MPPED1: variants seen among roughly 807,000 people sequenced by gnomAD.
The protein encoded by MPPED1 is metallophosphoesterase domain containing 1.
MPPED1 carries 16 observed loss-of-function variants against 36.2 expected under a neutral mutation model. The ratio of observed to expected loss-of-function variants is 0.44; its 90% CI spans 0.30 to 0.67. MPPED1 has a LOEUF of 0.67. MPPED1 is among the 30% of genes least tolerant of loss of function. The pLI is 0.10. For missense variants in MPPED1, 307 were observed against 453.4 expected (o/e 0.68, Z 2.93); for synonymous variants, 199 against 191.3 (o/e 1.04, Z -0.33).
intron 1 of MPPED1, chr22:43,417,717 G>C: frequency 4.8e-6 from 1 of 209,004 alleles, no homozygotes; most frequent in South Asian, 7.4e-5. Context: ...TGCAACAAAA[G>C]CCCTAGTAAG....
chr22:43,463,806 C>CTTTTCTTTCTTTCTTTTTTTTTT, intron 3 of MPPED1, among the ~76,000 whole-genome samples: 1 of 121,660 alleles, frequency 8.2e-6, no homozygotes, highest in Non-Finnish European at 1.8e-5. Flanking sequence ...TTCATTTTTT[C>CTTTTCTTTCTTTCTTTTTTTTTT]TTTTCTTTCT....
chr22:43,496,176 T>A (rs1214430486), intron 4 of MPPED1, among the ~76,000 whole-genome samples: 1 of 82,418 alleles, frequency 1.2e-5, no homozygotes, highest in Non-Finnish European at 2.4e-5. Context: ...GTGGTGATGG[T>A]GGAGGTGGTG....
intron 4 of MPPED1, among the ~76,000 whole-genome samples, chr22:43,491,486 G>A (rs1478982704): frequency 6.6e-6 from 1 of 151,670 alleles, no homozygotes; most frequent in Non-Finnish European, 1.5e-5. Context: ...TGGTGGTGAT[G>A]GAGGTTGTAA....
intron 5 of MPPED1, among the ~76,000 whole-genome samples, chr22:43,498,875 G>T (rs1420408723): frequency 6.6e-6 from 1 of 152,026 alleles, no homozygotes; most frequent in Non-Finnish European, 1.5e-5. Flanking sequence ...TGTCCCATCT[G>T]GGGGCTCTCT....
At chr22:43,501,532 G>A (rs2146927599) in intron 5 of MPPED1, among the ~76,000 whole-genome samples, 2 of 152,280 alleles carry the variant, frequency 1.3e-5, no homozygotes, top group Middle Eastern at 3.4e-3. Flanking sequence ...ACTCCAGCTG[G>A]TGCTGCCCTT....
intron 3 of MPPED1, among the ~76,000 whole-genome samples, chr22:43,464,915 G>A (rs1299048762): frequency 1.3e-5 from 2 of 152,134 alleles, no homozygotes; most frequent in Non-Finnish European, 1.5e-5. Flanking sequence ...CCACAACTGG[G>A]GACAAACATG....
intron 3 of MPPED1, among the ~76,000 whole-genome samples, chr22:43,465,149 G>A (rs567915641): frequency 3.3e-5 from 5 of 152,328 alleles, no homozygotes; most frequent in East Asian, 1.9e-4. Flanking sequence ...ATCCCAGGTC[G>A]CATGGTGAGA....
rs1482606763 is a variant in MPPED1, at chr22:43,437,750, G to T, written c.406+2535G>T. ...TGAGGCTCTGTTGGAATGGAGGAAA[G>T]AATCACCTTGCAAAATGTAAAGTGC... On this transcript the variant is annotated intron_variant, in intron 3 of 6. Transcript: ENST00000443721. 3.9e-5 allele frequency among the ~76,000 whole-genome samples: 6 copies of T among 152,308 alleles called. No individual in the cohort carries two copies. In the East Asian group the frequency reaches 1.2e-3, roughly 29 times the overall value.
intron 4 of MPPED1, among the ~76,000 whole-genome samples, chr22:43,496,913 G>A (rs1225234236): frequency 2.5e-5 from 2 of 79,752 alleles, no homozygotes; most frequent in Admixed American, 1.3e-4. Flanking sequence ...GGAGGTGGTG[G>A]TGGTGGAGGT....
At chr22:43,435,010 C>G (rs773332248) in intron 2 of MPPED1, 24 bp from the exon 3 acceptor site, 4 of 1,608,360 alleles carry the variant, frequency 2.5e-6, no homozygotes, top group Non-Finnish European at 3.4e-6. Flanking sequence ...GCCTCCTGAT[C>G]CGCAGTGTCA....
At chr22:43,488,816 G>A (rs987116792) in intron 4 of MPPED1, among the ~76,000 whole-genome samples, 6 of 152,220 alleles carry the variant, frequency 3.9e-5, no homozygotes, top group East Asian at 1.9e-4. Flanking sequence ...ATGGCTTAGC[G>A]GGAATTCGCA....
intron 3 of MPPED1, among the ~76,000 whole-genome samples, chr22:43,463,872 T>TTTC (rs893396989): frequency 1.3e-5 from 2 of 149,014 alleles, no homozygotes; most frequent in African/African-American, 5.0e-5. Flanking sequence ...TCTTTCTTTC[T>TTTC]TTCTCTTTCT....
intron 3 of MPPED1, among the ~76,000 whole-genome samples, chr22:43,473,797 G>A (rs1054037519): frequency 1.3e-5 from 2 of 152,098 alleles, no homozygotes; most frequent in Admixed American, 1.3e-4. Flanking sequence ...GAGGCCTGCC[G>A]GGCAGCTGCC....
chr22:43,422,163 G>A (rs898084618), intron 1 of MPPED1, among the ~76,000 whole-genome samples: 55 of 152,306 alleles, frequency 3.6e-4, no homozygotes, highest in Admixed American at 3.1e-3. Context: ...TTCAGCCAGC[G>A]GGAGAGGAGG....
intron 6 of MPPED1, among the ~76,000 whole-genome samples, chr22:43,504,744 G>A (rs1932776349): frequency 1.3e-5 from 2 of 151,944 alleles, no homozygotes; most frequent in Non-Finnish European, 2.9e-5. Context: ...GAGCAGTGGT[G>A]ATGATGTTGA....
At chr22:43,431,554 G>GTAACAGTCCAGCCTGT (rs1569066671) in intron 2 of MPPED1, among the ~76,000 whole-genome samples, 1 of 152,180 alleles carries the variant, frequency 6.6e-6, no homozygotes, top group African/African-American at 2.4e-5. Context: ...GTCCAGCCTG[G>GTAACAGTCCAGCCTGT]TGTGAGTTCT....
At chr22:43,425,410 C>T (rs2146820113) in intron 2 of MPPED1, among the ~76,000 whole-genome samples, 1 of 152,354 alleles carries the variant, frequency 6.6e-6, no homozygotes, top group African/African-American at 2.4e-5. Flanking sequence ...GGCCTGTGGG[C>T]CGATTCTGGC....
intron 4 of MPPED1, among the ~76,000 whole-genome samples, chr22:43,490,533 C>T (rs918272470): frequency 1.3e-5 from 2 of 152,144 alleles, no homozygotes; most frequent in East Asian, 3.8e-4. Context: ...CTACCAGGGG[C>T]CAGCTCCTGG....
At position 43,505,727 on chromosome 22, in the gene MPPED1, T is replaced by G; in HGVS notation, c.*111T>G. The G allele has an allele frequency of 2.1e-6, 2 of 941,032 alleles. No homozygotes were observed. Among genetic ancestry groups the G allele is most frequent in the East Asian group, 2.7e-5 (1 of 37,420 alleles). 58.3% of individuals were successfully genotyped at this position (941,032 alleles called of 1,614,324 possible). The stretch of plus-strand genomic sequence containing the variant: ...GGACGACCCATCTGGCTGCGGGGAC[T>G]GGCCTAGCAGGCAGGTCAGGGCCTT... On this transcript the variant is annotated 3_prime_UTR_variant, in exon 7 of 7. Coordinates refer to ENST00000443721, the MANE Select transcript of MPPED1 (RefSeq NM_001044370.2).
Sources: allele counts gnomAD v4.1 joint callset (sites outside exome capture counted in the v4.1 genomes callset), GRCh38; gene constraint gnomAD v4.1.1; transcripts MANE v1.5; gene names NCBI Gene and HGNC (gene_info 2026-07-23, HGNC 2026-07-21).